The following ADARB2 variants were observed in gnomAD, a reference collection of about 807,000 sequenced individuals.
The protein encoded by ADARB2 is inactive double-stranded RNA-specific editase B2.
In ADARB2, 25 loss-of-function variants were observed where a neutral mutation model predicts 62.2. That is an observed-to-expected ratio of 0.40 (90% CI 0.29 to 0.56). ADARB2 has a LOEUF of 0.56. Among genes scored for constraint, ADARB2 ranks in the 20% least tolerant of loss-of-function variants. ADARB2 has a pLI of 0.43. For missense variants in ADARB2, 1,071 were observed against 1,077.4 expected (o/e 0.99, Z 0.08); for synonymous variants, 572 against 500.8 (o/e 1.14, Z -1.90).
intron 1 of ADARB2, among the ~76,000 whole-genome samples, chr10:1,718,408 C>A (rs1835048094): frequency 6.6e-6 from 1 of 152,188 alleles, no homozygotes; most frequent in African/African-American, 2.4e-5. Context: ...CACCTGTGGC[C>A]CCACTGCCCT....
chr10:1,269,082 G>A (rs1298995224), intron 4 of ADARB2, among the ~76,000 whole-genome samples: 3 of 152,162 alleles, frequency 2.0e-5, no homozygotes, highest in South Asian at 4.1e-4. Context: ...AAGGAAGCCA[G>A]GGTGGCTGGT....
chr10:1,362,710 A>G (rs1832270210), intron 3 of ADARB2, among the ~76,000 whole-genome samples: 1 of 152,044 alleles, frequency 6.6e-6, no homozygotes. Context: ...ATCCGACCCT[A>G]CGCGTGGAGA....
intron 1 of ADARB2, among the ~76,000 whole-genome samples, chr10:1,493,352 G>T (rs1371274378): frequency 6.6e-6 from 1 of 152,004 alleles, no homozygotes; most frequent in Non-Finnish European, 1.5e-5. Context: ...CCATCTTTTT[G>T]TTTATTTCTT....
At chr10:1,468,291 C>T (rs1185708759) in intron 1 of ADARB2, among the ~76,000 whole-genome samples, 17 of 152,268 alleles carry the variant, frequency 1.1e-4, no homozygotes, top group East Asian at 3.9e-4. Context: ...TTGCTGGCTG[C>T]CTGAGGCCAA....
At chr10:1,509,223 A>G (rs939343197) in intron 1 of ADARB2, among the ~76,000 whole-genome samples, 16 of 152,230 alleles carry the variant, frequency 1.1e-4, no homozygotes, top group African/African-American at 3.9e-4. Context: ...TGACTTCTGC[A>G]GTAAACACGT....
At chr10:1,472,244 G>A (rs1160572686) in intron 1 of ADARB2, among the ~76,000 whole-genome samples, 1 of 152,232 alleles carries the variant, frequency 6.6e-6, no homozygotes, top group Non-Finnish European at 1.5e-5. Context: ...CATCACCCAG[G>A]GAATACTTTT....
At chr10:1,316,371 G>A (rs996585797) in intron 3 of ADARB2, among the ~76,000 whole-genome samples, 4 of 152,222 alleles carry the variant, frequency 2.6e-5, no homozygotes, top group African/African-American at 4.8e-5. Context: ...CACCCATAAC[G>A]TGGCCTTGTC....
At chr10:1,731,712 C>G (rs2119048331) in intron 1 of ADARB2, among the ~76,000 whole-genome samples, 1 of 152,286 alleles carries the variant, frequency 6.6e-6, no homozygotes, top group East Asian at 1.9e-4. Flanking sequence ...AAATACTTAA[C>G]AACACGAATC....
At chr10:1,489,802 A>T (rs1468684673) in intron 1 of ADARB2, among the ~76,000 whole-genome samples, 1 of 150,140 alleles carries the variant, frequency 6.7e-6, no homozygotes, top group Non-Finnish European at 1.5e-5. Flanking sequence ...TGGATGAGGG[A>T]TCCTAATAAT....
In ADARB2 at chr10:1,363,339, G is replaced by A; in HGVS notation, c.766C>T (p.Leu256=). ...ACCAGGTCCAGCGCGCGGCACAGCAGCCGCCGTCGCCCGTAGGCCGCGGAC... is the reference window on the plus strand; with the variant it reads ...ACCAGGTCCAGCGCGCGGCACAGCAACCGCCGTCGCCCGTAGGCCGCGGAC... ...LLSAAYGRRR[L]LCRALDLVGP... is the part of the protein sequence containing the mutation. The change falls in exon 3 of 10, where the codon CTG becomes TTG. Residue 256 remains leucine (L), a synonymous_variant. Coordinates refer to ENST00000381312, the MANE Select transcript of ADARB2 (RefSeq NM_018702.4). 1 of 1,247,612 alleles carries A rather than the reference G, an allele frequency of 8.0e-7. No individual in the cohort carries two copies. The highest frequency in any genetic ancestry group is 1.0e-6 in the Non-Finnish European group (1 of 996,352). The allele number at this position is 1,247,612 out of a possible 1,614,324, so 77.3% of individuals were successfully genotyped here.
chr10:1,612,538 C>G (rs1354369360), intron 1 of ADARB2, among the ~76,000 whole-genome samples: 1 of 152,230 alleles, frequency 6.6e-6, no homozygotes, highest in Non-Finnish European at 1.5e-5. Flanking sequence ...AACTCTGAGG[C>G]AGCCTCTATT....
At chr10:1,730,173 A>G (rs1251226975) in intron 1 of ADARB2, among the ~76,000 whole-genome samples, 1 of 152,214 alleles carries the variant, frequency 6.6e-6, no homozygotes, top group African/African-American at 2.4e-5. Context: ...GCAAAACAAC[A>G]GCCACAGAGA....
intron 2 of ADARB2, among the ~76,000 whole-genome samples, chr10:1,373,612 T>A (rs894779217): frequency 1.3e-5 from 2 of 152,182 alleles, no homozygotes; most frequent in African/African-American, 4.8e-5. Flanking sequence ...TACACCTACA[T>A]CAGCTGGGTG....
chr10:1,321,706 C>T (rs987328456), intron 3 of ADARB2, among the ~76,000 whole-genome samples: 1 of 152,198 alleles, frequency 6.6e-6, no homozygotes, highest in Non-Finnish European at 1.5e-5. Context: ...TAATATCCTC[C>T]TTCTCTTAAA....
At chr10:1,546,313 G>T (rs1832518860) in intron 1 of ADARB2, among the ~76,000 whole-genome samples, 1 of 152,246 alleles carries the variant, frequency 6.6e-6, no homozygotes, top group African/African-American at 2.4e-5. Context: ...GCAGCAGGAT[G>T]TAGGTCAAAA....
Position 1,363,842 on chromosome 10 carries a change from C to A in ADARB2, c.263G>T (p.Arg88Leu), listed in dbSNP as rs200348424. ...CGCGCCGGGCGCGCCGCCCCGGGCC[C>A]GGTCCCCGGAGGGCGGTGGCCGCGC... ...LAARPPPSGD[R>L]ARGGAPGAKR... Residue 88 changes from arginine (R) to leucine (L), a missense_variant, in exon 3 of 10, where the codon CGG becomes CTG. Transcript: ENST00000381312. 1.3e-6 allele frequency: 2 copies of A among 1,553,992 alleles called. No individual in the cohort carries two copies. Among genetic ancestry groups the A allele is most frequent in the South Asian group, 1.2e-5 (1 of 86,002 alleles).
intron 1 of ADARB2, among the ~76,000 whole-genome samples, chr10:1,588,807 T>C (rs1483079635): frequency 1.3e-5 from 2 of 152,052 alleles, no homozygotes; most frequent in African/African-American, 4.8e-5. Flanking sequence ...GAAAAAGATG[T>C]GGAGAGCTTC....
At chr10:1,517,020 C>T (rs778827125) in intron 1 of ADARB2, among the ~76,000 whole-genome samples, 2 of 152,192 alleles carry the variant, frequency 1.3e-5, no homozygotes, top group African/African-American at 2.4e-5. Flanking sequence ...CGAGCACTTG[C>T]TGTGGGAGGA....
At chr10:1,369,625 A>G (rs1268784707) in intron 2 of ADARB2, among the ~76,000 whole-genome samples, 1 of 152,238 alleles carries the variant, frequency 6.6e-6, no homozygotes, top group African/African-American at 2.4e-5. Context: ...ACGAAACATC[A>G]TGATGTACGC....
Sources: gnomAD v4.1 joint callset for allele counts (sites outside exome capture counted in the v4.1 genomes callset) on GRCh38, gnomAD v4.1.1 for gene constraint, MANE v1.5 for transcripts, NCBI Gene and HGNC (gene_info 2026-07-23, HGNC 2026-07-21) for gene names.